The following B3GAT1 variants were observed in gnomAD, a reference collection of about 807,000 sequenced individuals.
B3GAT1 encodes the protein beta-1,3-glucuronyltransferase 1, also known as galactosylgalactosylxylosylprotein 3-beta-glucuronosyltransferase 1.
A neutral mutation model predicts 28.4 loss-of-function variants in B3GAT1; 11 were observed. The observed-to-expected ratio is 0.39, with a 90% CI of 0.24 to 0.64. The LOEUF (loss-of-function observed/expected upper bound fraction) is 0.64, where lower values mean the gene tolerates loss of function less well. Ranked by LOEUF, B3GAT1 falls within the 30% of genes least tolerant of loss-of-function variation. The probability of loss-of-function intolerance (pLI) is 0.50; values close to 1 mark genes in which losing one functional copy is unlikely to be tolerated. For missense variants in B3GAT1, 375 were observed against 491.0 expected, an observed-to-expected ratio of 0.76 and a Z score of 2.23; for synonymous variants, 255 against 223.1, an observed-to-expected ratio of 1.14 and a Z score of -1.27.
At position 134,387,820 on chromosome 11, in the gene B3GAT1, G is replaced by T. The variant is rs1355718063; in HGVS notation, c.-161C>A. Reference sequence around the variant, plus strand: ...AGAGCAGCTGAATGTTGGCTAGCAGGTCTTACCAGCACTCACAACCCACCC... The same window carrying T: ...AGAGCAGCTGAATGTTGGCTAGCAGTTCTTACCAGCACTCACAACCCACCC... On this transcript the variant is annotated 5_prime_UTR_variant, in exon 2 of 6. Transcript: ENST00000312527. 6.5e-7 allele frequency: 1 copy of T among 1,533,900 alleles called. No individual in the cohort carries two copies. The highest frequency in any genetic ancestry group is 2.0e-5 in the Admixed American group (1 of 50,880).
rs1944866158 is a variant in B3GAT1, at chr11:134,411,912, T to A, written c.-387A>T. 1 of 149,224 alleles carries A rather than the reference T, an allele frequency of 6.7e-6. No homozygotes were observed. Among genetic ancestry groups the A allele is most frequent in the Non-Finnish European group, 1.5e-5 (1 of 67,180 alleles). 9.2% of individuals were successfully genotyped at this position (149,224 alleles called of 1,614,324 possible). On this transcript the variant is annotated 5_prime_UTR_variant, in exon 1 of 6. Coordinates refer to ENST00000312527, the MANE Select transcript of B3GAT1 (RefSeq NM_054025.3). This position sits in a 1 kb window ranked among gnomAD's most constrained non-coding sequence, Gnocchi z 6.0. ...ACCGCTGCCCTGGGCCGCGTGCGGC[T>A]CCCTCCCCGGGGACTGTCGGGCTCC...
chr11:134,384,233 A>G, intron 2 of B3GAT1, 45 bp from the exon 3 acceptor site: 1 of 1,509,230 alleles, frequency 6.6e-7, no homozygotes, highest in South Asian at 1.3e-5. Context: ...AGCGCCGGCT[A>G]CGGCCCTGGA....
chr11:134,409,048 G>T (rs1183492432), intron 1 of B3GAT1, among the ~76,000 whole-genome samples: 1 of 152,216 alleles, frequency 6.6e-6, no homozygotes, highest in Non-Finnish European at 1.5e-5. Flanking sequence ...GGAAGCAAGG[G>T]GGTGAGGGTG....
chr11:134,395,962 G>A (rs970607470), intron 1 of B3GAT1, among the ~76,000 whole-genome samples: 1 of 152,202 alleles, frequency 6.6e-6, no homozygotes, highest in Non-Finnish European at 1.5e-5. Context: ...TGGTGGGAAT[G>A]CGGGCCATGG....
chr11:134,387,837 A>C lies in B3GAT1; in HGVS notation c.-178T>G. 6.5e-7 allele frequency: 1 copy of C among 1,531,698 alleles called. No homozygotes were observed. Among genetic ancestry groups the C allele is most frequent in the Admixed American group, 2.0e-5 (1 of 50,822 alleles). The allele number at this position is 1,531,698 out of a possible 1,614,324, so 94.9% of individuals were successfully genotyped here. On this transcript the variant is annotated 5_prime_UTR_variant, in exon 2 of 6. Coordinates refer to ENST00000312527, the MANE Select transcript of B3GAT1 (RefSeq NM_054025.3). ...GCTAGCAGGTCTTACCAGCACTCAC[A>C]ACCCACCCATTGCGGAAGCAGGTTT...
At chr11:134,402,409 G>T (rs1374209904) in intron 1 of B3GAT1, among the ~76,000 whole-genome samples, 4 of 152,054 alleles carry the variant, frequency 2.6e-5, no homozygotes, top group African/African-American at 9.7e-5. Context: ...TGTCCATGGG[G>T]CTCTAGGGCC....
chr11:134,383,601 A>G, intron 3 of B3GAT1, 79 bp downstream of exon 3: 2 of 1,437,512 alleles, frequency 1.4e-6, no homozygotes, highest in South Asian at 1.5e-5. Context: ...GCGCCTCCGC[A>G]CCCACACCCC....
At position 134,384,148 on chromosome 11, in the gene B3GAT1, G is replaced by A. The variant is rs575319632; in HGVS notation, c.153C>T (p.Ala51=). The part of the protein sequence containing the change: ...SDPRRETPPG[A]DPREYCTSDR... ...CAGACGTGCAGTACTCCCTGGGGTCGGCGCCGGGCGGCGTTTCGCGTCGGG... is the reference window on the plus strand; with the variant it reads ...CAGACGTGCAGTACTCCCTGGGGTCAGCGCCGGGCGGCGTTTCGCGTCGGG... Residue 51 remains alanine (A), a synonymous_variant, in exon 3 of 6, where the codon GCC becomes GCT. Coordinates refer to ENST00000312527, the MANE Select transcript of B3GAT1 (RefSeq NM_054025.3). 32 of 1,560,442 alleles carry A rather than the reference G, an allele frequency of 2.1e-5. No individual in the cohort carries two copies. In the East Asian group the frequency reaches 4.3e-4, roughly 21 times the overall value.
intron 1 of B3GAT1, among the ~76,000 whole-genome samples, chr11:134,395,261 G>A (rs1488045755): frequency 2.0e-5 from 3 of 152,218 alleles, no homozygotes; most frequent in Admixed American, 6.5e-5. Flanking sequence ...GCAGGGGGAC[G>A]GACAGCCGGA....
At chr11:134,399,541 G>A (rs1290598856) in intron 1 of B3GAT1, among the ~76,000 whole-genome samples, 6 of 152,210 alleles carry the variant, frequency 3.9e-5, no homozygotes, top group Admixed American at 6.5e-5. Context: ...GCAAGCCGTC[G>A]AAGCTGCTGC....
intron 1 of B3GAT1, among the ~76,000 whole-genome samples, chr11:134,406,680 A>T (rs750456197): frequency 5.9e-5 from 9 of 152,244 alleles, no homozygotes; most frequent in Admixed American, 5.9e-4. Context: ...CTGAGTGATT[A>T]GCATGATTAA....
intron 1 of B3GAT1, among the ~76,000 whole-genome samples, chr11:134,397,397 T>TCTCCTGTTCC (rs148478264): frequency 0.053 from 8,089 of 152,138 alleles, 419 homozygotes; most frequent in African/African-American, 0.14. Context: ...CCTCCTGTTC[T>TCTCCTGTTCC]CTCCTGTTCC....
At chr11:134,406,152 C>T (rs1944727998) in intron 1 of B3GAT1, among the ~76,000 whole-genome samples, 1 of 152,232 alleles carries the variant, frequency 6.6e-6, no homozygotes. Flanking sequence ...GCTCCCTCCA[C>T]TAAGCCCACA....
chr11:134,386,636 G>C (rs1484718836), intron 2 of B3GAT1: 2 of 152,166 alleles, frequency 1.3e-5, no homozygotes, highest in Non-Finnish European at 2.9e-5. Flanking sequence ...AGGAAAAGAA[G>C]AGAGGCAAAC....
At position 134,403,979 on chromosome 11, in the gene B3GAT1, TTCTTTATATATATATATATATATA is replaced by T. The variant is rs1468803676; in HGVS notation, c.-282+7804_-282+7827del. Among the ~76,000 whole-genome samples, 695 of 96,974 alleles carry T rather than the reference TTCTTTATATATATATATATATATA, an allele frequency of 7.2e-3. 11 individuals carry two copies. The highest frequency in any genetic ancestry group is 0.027 in the African/African-American group (659 of 24,062). The allele number at this position is 96,974 out of a possible 152,430, so 63.6% of individuals were successfully genotyped here. A position where few individuals can be genotyped will look rare whatever the true frequency, so the allele number is the denominator to read the frequency against. ...GTCATTTAACGGGTACAGAGTTTCTTTCTTTATATATATATATATATATATATATATATATATATATATATATAT... is the reference window on the plus strand; with the variant it reads ...GTCATTTAACGGGTACAGAGTTTCTTTATATATATATATATATATATATAT... On this transcript the variant is annotated intron_variant, in intron 1 of 5. Coordinates refer to ENST00000312527, the MANE Select transcript of B3GAT1 (RefSeq NM_054025.3).
Position 134,382,000 on chromosome 11 carries a change from C to G in B3GAT1, c.943G>C (p.Glu315Gln), listed in dbSNP as rs776430146. ...CCCTCATTCACCAGCACTGGCTTCT[C>G]TGTCCGTGTGTGCCACACCAGGATC... Reference protein sequence around the residue: ...TKILVWHTRTEKPVLVNEGKK... With the variant: ...TKILVWHTRTQKPVLVNEGKK... The change falls in exon 5 of 6, where the codon GAG becomes CAG. Residue 315 changes from glutamate to glutamine, a missense_variant. Coordinates refer to ENST00000312527, the MANE Select transcript of B3GAT1 (RefSeq NM_054025.3). 6.2e-7 allele frequency: 1 copy of G among 1,614,192 alleles called. No individual in the cohort carries two copies.
At chr11:134,404,488 C>T (rs1004064740) in intron 1 of B3GAT1, among the ~76,000 whole-genome samples, 1 of 152,154 alleles carries the variant, frequency 6.6e-6, no homozygotes, top group Non-Finnish European at 1.5e-5. Flanking sequence ...GTCATTCATC[C>T]AGAACATCCG....
chr11:134,402,333 G>A (rs772184028), intron 1 of B3GAT1, among the ~76,000 whole-genome samples: 2 of 152,122 alleles, frequency 1.3e-5, no homozygotes, highest in Non-Finnish European at 2.9e-5. Flanking sequence ...AGGAAGGACC[G>A]GTGATTTCAG....
intron 1 of B3GAT1, among the ~76,000 whole-genome samples, chr11:134,396,588 A>G (rs547198152): frequency 4.1e-4 from 63 of 152,260 alleles, no homozygotes; most frequent in Non-Finnish European, 7.6e-4. Flanking sequence ...CGGGAATAAA[A>G]ATACTGCTCC....
Sources: allele counts gnomAD v4.1 joint callset (sites outside exome capture counted in the v4.1 genomes callset), GRCh38; gene constraint gnomAD v4.1.1; non-coding constraint Gnocchi (gnomAD v3.1); transcripts MANE v1.5; gene names NCBI Gene and HGNC (gene_info 2026-07-23, HGNC 2026-07-21).